The following NRXN3 variants were observed in gnomAD, a reference collection of about 807,000 sequenced individuals.
NRXN3 encodes neurexin 3.
In NRXN3, 32 loss-of-function variants were observed where a neutral mutation model predicts 137.6. The ratio of observed to expected loss-of-function variants is 0.23; its 90% CI spans 0.18 to 0.31. The LOEUF (loss-of-function observed/expected upper bound fraction) is 0.31. Among genes scored for constraint, NRXN3 ranks in the 10% least tolerant of loss-of-function variants. NRXN3 has a pLI of 1.00. For synonymous variants in NRXN3, 798 were observed against 784.5 expected (o/e 1.02, Z -0.29); for missense variants, 1,574 against 2,062.5 (o/e 0.76, Z 4.59).
chr14:79,817,995 T>C (rs552139070), intron 20 of NRXN3, among the ~76,000 whole-genome samples: 12 of 151,810 alleles, frequency 7.9e-5, no homozygotes, highest in Non-Finnish European at 1.0e-4. Flanking sequence ...CCAACACTTA[T>C]GTGAGGTGAG....
chr14:78,808,256 A>G (rs2098889381), intron 9 of NRXN3, among the ~76,000 whole-genome samples: 1 of 152,200 alleles, frequency 6.6e-6, no homozygotes, highest in South Asian at 2.1e-4. Context: ...GACCGCATCC[A>G]CTTTACATGA....
intron 16 of NRXN3, among the ~76,000 whole-genome samples, chr14:79,498,626 A>G (rs1449127608): frequency 6.6e-6 from 1 of 152,236 alleles, no homozygotes; most frequent in African/African-American, 2.4e-5. Flanking sequence ...AAAGTTCTAT[A>G]GAATCTACCT....
chr14:79,321,192 T>G (rs1180202697), intron 15 of NRXN3, among the ~76,000 whole-genome samples: 1 of 152,142 alleles, frequency 6.6e-6, no homozygotes, highest in African/African-American at 2.4e-5. Context: ...GATAAGATGG[T>G]ATCTTTCTTT....
intron 15 of NRXN3, among the ~76,000 whole-genome samples, chr14:79,078,277 A>G (rs2046315463): frequency 6.6e-6 from 1 of 152,142 alleles, no homozygotes; most frequent in Non-Finnish European, 1.5e-5. Flanking sequence ...GTAGCTCACA[A>G]GATAAAATAA....
intron 1 of NRXN3, among the ~76,000 whole-genome samples, chr14:78,206,652 T>A (rs2062213532): frequency 1.3e-5 from 2 of 152,156 alleles, no homozygotes; most frequent in Admixed American, 6.5e-5. Flanking sequence ...CCTGCACTCC[T>A]TCCCTGGAGT....
At chr14:79,536,348 T>C (rs1346655702) in intron 16 of NRXN3, among the ~76,000 whole-genome samples, 1 of 152,114 alleles carries the variant, frequency 6.6e-6, no homozygotes, top group Non-Finnish European at 1.5e-5. Context: ...GTGAAAATCA[T>C]GGAGTCAGAG....
At chr14:79,835,081 TAGG>T (rs2099335465) in intron 20 of NRXN3, among the ~76,000 whole-genome samples, 1 of 152,090 alleles carries the variant, frequency 6.6e-6, no homozygotes, top group Non-Finnish European at 1.5e-5. Flanking sequence ...CTTAGCATAA[TAGG>T]GGGACTAAGT....
At chr14:79,646,711 T>C (rs1257714210) in intron 16 of NRXN3, among the ~76,000 whole-genome samples, 1 of 135,502 alleles carries the variant, frequency 7.4e-6, no homozygotes, top group East Asian at 2.0e-4. Context: ...CTTGGGCTTC[T>C]GGTACGTTAC....
intron 15 of NRXN3, among the ~76,000 whole-genome samples, chr14:79,388,446 C>T (rs1358965398): frequency 4.0e-5 from 6 of 151,820 alleles, no homozygotes; most frequent in African/African-American, 1.5e-4. Context: ...TTGCCCTGTT[C>T]AGCTTTGAGG....
intron 9 of NRXN3, among the ~76,000 whole-genome samples, chr14:78,808,062 T>C (rs1167765336): frequency 6.6e-6 from 1 of 152,110 alleles, no homozygotes. Flanking sequence ...TTTATACATA[T>C]ATACATACAC....
rs554099089 is a variant in NRXN3, at chr14:78,739,759, C to T, written c.2044+24620C>T. ...TGTGAGCCACCACATCCAGCCATCT[C>T]CTTGTATCTTATGTTCCCATCCCAA... is the stretch of plus-strand genomic sequence containing the variant. On this transcript the variant is annotated intron_variant, in intron 8 of 20. Transcript: ENST00000335750. 9.2e-5 allele frequency among the ~76,000 whole-genome samples: 14 copies of T among 152,230 alleles called. No individual in the cohort carries two copies. The South Asian group carries it at 1.9e-3, about 20-fold the overall frequency.
intron 2 of NRXN3, among the ~76,000 whole-genome samples, chr14:78,268,473 C>T (rs924099193): frequency 1.3e-5 from 2 of 152,146 alleles, no homozygotes; most frequent in African/African-American, 4.8e-5. Flanking sequence ...TACTTAATGA[C>T]CATCAGTTCC....
intron 15 of NRXN3, among the ~76,000 whole-genome samples, chr14:79,415,989 T>C (rs1267266783): frequency 6.6e-6 from 1 of 152,148 alleles, no homozygotes; most frequent in Non-Finnish European, 1.5e-5. Context: ...CTTATTCCTT[T>C]GGCTTGCAGT....
intron 8 of NRXN3, among the ~76,000 whole-genome samples, chr14:78,741,635 C>A (rs1006028079): frequency 6.6e-6 from 1 of 152,154 alleles, no homozygotes; most frequent in Non-Finnish European, 1.5e-5. Flanking sequence ...ACATATCTAT[C>A]ACGTCCCACC....
At chr14:79,571,839 A>C (rs1041271507) in intron 16 of NRXN3, among the ~76,000 whole-genome samples, 1 of 152,170 alleles carries the variant, frequency 6.6e-6, no homozygotes, top group Admixed American at 6.5e-5. Flanking sequence ...TCCTTACCCG[A>C]CATGTGGAAA....
At chr14:79,638,339 C>A (rs770448719) in intron 16 of NRXN3, among the ~76,000 whole-genome samples, 4 of 149,362 alleles carry the variant, frequency 2.7e-5, no homozygotes, top group Non-Finnish European at 4.4e-5. Context: ...AGTTTGAGTT[C>A]TTTTTCTACT....
chr14:79,781,775 A>G (rs1166307330), intron 19 of NRXN3, among the ~76,000 whole-genome samples: 1 of 152,212 alleles, frequency 6.6e-6, no homozygotes, highest in African/African-American at 2.4e-5. Flanking sequence ...CTAATAGTCA[A>G]GTGCTTGTAT....
chr14:79,840,399 C>G (rs1332044281), intron 20 of NRXN3, among the ~76,000 whole-genome samples: 2 of 152,034 alleles, frequency 1.3e-5, no homozygotes, highest in Non-Finnish European at 2.9e-5. Flanking sequence ...CAGAGTCCCT[C>G]TGAATATCAA....
At chr14:79,469,973 A>C (rs1406079617) in intron 16 of NRXN3, among the ~76,000 whole-genome samples, 1 of 152,248 alleles carries the variant, frequency 6.6e-6, no homozygotes, top group Non-Finnish European at 1.5e-5. Flanking sequence ...AAGTAGATAC[A>C]TCAGGGAAAC....
Sources: gnomAD v4.1 joint callset for allele counts (sites outside exome capture counted in the v4.1 genomes callset) on GRCh38, gnomAD v4.1.1 for gene constraint, MANE v1.5 for transcripts, NCBI Gene and HGNC (gene_info 2026-07-23, HGNC 2026-07-21) for gene names.